Variants in ST7L observed in about 807,000 individuals in gnomAD.
The protein encoded by ST7L is suppression of tumorigenicity 7 like.
Under a neutral mutation model 72.5 loss-of-function variants are expected in ST7L, and 57 were observed. The ratio of observed to expected loss-of-function variants is 0.79; its 90% confidence interval spans 0.64 to 0.98. The LOEUF (loss-of-function observed/expected upper bound fraction) is 0.98. ST7L is among the 50% of genes least tolerant of loss of function. ST7L has a pLI of 0.00. For synonymous variants in ST7L, 221 were observed against 240.9 expected (o/e 0.92, Z 0.77); for missense variants, 576 against 672.2 (o/e 0.86, Z 1.58).
intron 3 of ST7L, among the ~76,000 whole-genome samples, chr1:112,609,953 T>C (rs983902164): frequency 6.6e-6 from 1 of 151,906 alleles, no homozygotes; most frequent in African/African-American, 2.4e-5. Flanking sequence ...CTGAAAAAAA[T>C]TTTTTTTCCT....
intron 11 of ST7L, among the ~76,000 whole-genome samples, chr1:112,563,871 C>T (rs957480066): frequency 6.6e-6 from 1 of 151,984 alleles, no homozygotes; most frequent in Admixed American, 6.6e-5. Flanking sequence ...AGCTTTTGAC[C>T]AAAAGCAATA....
In ST7L at chr1:112,577,045, C is replaced by T. The variant is rs762482497; in HGVS notation, c.1186G>A (p.Glu396Lys). 1.9e-6 allele frequency: 3 copies of T among 1,610,786 alleles called. No individual in the cohort carries two copies. Among genetic ancestry groups the T allele is most frequent in the Non-Finnish European group, 2.5e-6 (3 of 1,177,990 alleles). The change falls in exon 11 of 15, where the codon GAA becomes AAA. Residue 396 changes from glutamate to lysine, a missense_variant. Glu to Lys is a moderately conservative substitution (Grantham distance 56). Transcript: ENST00000358039. Reference sequence around the variant, plus strand: ...TGAATTGCTTCCACGGCATTAATTTCTGCTGTGCTTAATCCTCTTCTGGAG... The same window carrying T: ...TGAATTGCTTCCACGGCATTAATTTTTGCTGTGCTTAATCCTCTTCTGGAG... Reference protein sequence around the residue: ...TASRRGLSTAEINAVEAIHRA... With the variant: ...TASRRGLSTAKINAVEAIHRA...
intron 2 of ST7L, 51 bp downstream of exon 2, chr1:112,616,762 T>A (rs760975527): frequency 8.3e-5 from 109 of 1,316,888 alleles, no homozygotes; most frequent in Admixed American, 9.1e-5. Flanking sequence ...AAAAAAAAAA[T>A]ATCTTTAGAT....
intron 12 of ST7L, 52 bp downstream of exon 12, chr1:112,555,816 A>T (rs1216211092): frequency 2.2e-5 from 31 of 1,390,768 alleles, no homozygotes; most frequent in South Asian, 8.0e-5. Flanking sequence ...CTGCCTGTGA[A>T]TTCAATGAAT....
chr1:112,532,532 TTC>T (rs1654544983), intron 14 of ST7L, among the ~76,000 whole-genome samples: 1 of 152,220 alleles, frequency 6.6e-6, no homozygotes, highest in African/African-American at 2.4e-5. Context: ...AGCTGCATCT[TTC>T]TCTGTCACAT....
chr1:112,553,937 C>A (rs7552706), intron 12 of ST7L, among the ~76,000 whole-genome samples: 3,055 of 152,254 alleles, frequency 0.02, 102 homozygotes, highest in African/African-American at 0.069. Context: ...AGTGCCATCT[C>A]GGCTCACTAA....
chr1:112,606,262 A>T (rs1668222928), intron 3 of ST7L, among the ~76,000 whole-genome samples: 2 of 152,196 alleles, frequency 1.3e-5, no homozygotes, highest in Admixed American at 1.3e-4. Flanking sequence ...TTGCTTAACA[A>T]GGGCTTCTCC....
At position 112,600,806 on chromosome 1, in the gene ST7L, G is replaced by A. The variant is rs1667265705; in HGVS notation, c.494C>T (p.Ala165Val). The change falls in exon 4 of 15, where the codon GCA (alanine) becomes GTA (valine). Residue 165 changes from alanine to valine, a missense_variant. This residue lies in a region of ST7L where 511 missense variants were observed against 600.7 expected (regional missense o/e 0.85). Coordinates refer to ENST00000358039, the MANE Select transcript of ST7L (RefSeq NM_017744.5). ...CAAAATGTAATACCTCCTATATTCT[G>A]CTCCTCTGAAAAGATTTAGAGGGTT... Reference protein sequence around the residue: ...WRNPLNLFRGAEYRRYTWVTG... With the variant: ...WRNPLNLFRGVEYRRYTWVTG... 6.2e-7 allele frequency: 1 copy of A among 1,610,604 alleles called. No homozygotes were observed. The highest frequency in any genetic ancestry group is 8.5e-7 in the Non-Finnish European group (1 of 1,178,152).
At chr1:112,597,229 T>C (rs1390087412) in intron 5 of ST7L, among the ~76,000 whole-genome samples, 2 of 152,176 alleles carry the variant, frequency 1.3e-5, no homozygotes, top group Non-Finnish European at 2.9e-5. Context: ...TTCTAGAAAA[T>C]GTGACTTTCA....
At chr1:112,546,352 G>A (rs1657072814) in intron 13 of ST7L, among the ~76,000 whole-genome samples, 1 of 150,250 alleles carries the variant, frequency 6.7e-6, no homozygotes, top group African/African-American at 2.4e-5. Context: ...AAAAGAAAAA[G>A]TGGGATTGAG....
chr1:112,532,553 T>G (rs1654549189), intron 14 of ST7L, among the ~76,000 whole-genome samples: 2 of 152,242 alleles, frequency 1.3e-5, no homozygotes, highest in African/African-American at 4.8e-5. Context: ...ATTGGTCATC[T>G]GCAAGGATGT....
At chr1:112,580,148 TTTTC>T (rs1663852219) in intron 9 of ST7L, among the ~76,000 whole-genome samples, 1 of 145,488 alleles carries the variant, frequency 6.9e-6, no homozygotes, top group South Asian at 2.1e-4. Context: ...TAAACGACCT[TTTTC>T]TTTGTTTTTT....
At chr1:112,615,827 C>A (rs1669781404) in intron 2 of ST7L, among the ~76,000 whole-genome samples, 1 of 152,174 alleles carries the variant, frequency 6.6e-6, no homozygotes, top group Admixed American at 6.5e-5. Flanking sequence ...GTAACCTCCA[C>A]CTCCCAAGTT....
At chr1:112,580,438 C>T (rs1663909579) in intron 9 of ST7L, among the ~76,000 whole-genome samples, 1 of 152,182 alleles carries the variant, frequency 6.6e-6, no homozygotes, top group Admixed American at 6.5e-5. Context: ...CAGGCATGAG[C>T]CACTGTGTCC....
chr1:112,570,570 T>TATACAC (rs1183877129), intron 11 of ST7L, among the ~76,000 whole-genome samples: 9 of 143,372 alleles, frequency 6.3e-5, no homozygotes, highest in South Asian at 2.2e-4. Flanking sequence ...TATATATATA[T>TATACAC]ACACACACAC....
chr1:112,583,853 T>C, intron 7 of ST7L, 119 bp downstream of exon 7: 3 of 1,163,834 alleles, frequency 2.6e-6, no homozygotes, highest in Admixed American at 2.3e-5. Flanking sequence ...AGATTAGTTA[T>C]TTCCAGTGAA....
intron 3 of ST7L, among the ~76,000 whole-genome samples, chr1:112,608,881 T>A (rs747314476): frequency 6.6e-6 from 1 of 152,208 alleles, no homozygotes; most frequent in Non-Finnish European, 1.5e-5. Context: ...GTGCCACCAG[T>A]TGCACTCAGG....
At chr1:112,613,687 C>A (rs112819283) in intron 2 of ST7L, among the ~76,000 whole-genome samples, 8 of 151,934 alleles carry the variant, frequency 5.3e-5, no homozygotes, top group Admixed American at 5.3e-4. Context: ...ATTTAAAATG[C>A]GGTTTTATAA....
chr1:112,535,963 C>T (rs1655139988), intron 14 of ST7L, among the ~76,000 whole-genome samples: 1 of 151,990 alleles, frequency 6.6e-6, no homozygotes, highest in South Asian at 2.1e-4. Flanking sequence ...ATTGAATATG[C>T]GAGACTGCCC....
Sources: allele counts gnomAD v4.1 joint callset (sites outside exome capture counted in the v4.1 genomes callset), GRCh38; gene constraint gnomAD v4.1.1; regional missense constraint gnomAD v4.1.1; transcripts MANE v1.5; gene names NCBI Gene and HGNC (gene_info 2026-07-23, HGNC 2026-07-21).